Variants in ZNF23 observed in about 807,000 individuals in gnomAD.
ZNF23 encodes the protein zinc finger protein 23, also known as kruppel-like zinc finger factor X31.
A neutral mutation model predicts 56.2 loss-of-function variants in ZNF23; 48 were observed. The observed-to-expected ratio is 0.85, with a 90% CI of 0.68 to 1.09. The LOEUF (loss-of-function observed/expected upper bound fraction) is 1.09, where lower values mean the gene tolerates loss of function less well. Among genes scored for constraint, ZNF23 ranks in the 50% least tolerant of loss-of-function variants. The pLI is 0.00. For synonymous variants in ZNF23, 266 were observed against 283.3 expected (o/e 0.94, Z 0.61); for missense variants, 805 against 811.4 (o/e 0.99, Z 0.10).
Position 71,448,645 on chromosome 16 carries a change from A to G in ZNF23, c.1509T>C (p.Asn503=). ...CNECGKAFSV[N]GKLMRHQRIH... ...TTCTCTGATGCCGCATTAGTTTCCC[A>G]TTAACGCTGAAGGCCTTTCCACACT... Residue 503 remains asparagine (N), a synonymous_variant, in exon 5 of 5, where the codon AAT becomes AAC. Coordinates refer to ENST00000647773, the MANE Select transcript of ZNF23 (RefSeq NM_001381984.1). 1.2e-6 allele frequency: 2 copies of G among 1,614,036 alleles called. No homozygotes were observed. The highest frequency in any genetic ancestry group is 1.7e-6 in the Non-Finnish European group (2 of 1,180,016).
At position 71,448,654 on chromosome 16, in the gene ZNF23, G is replaced by A. The variant is rs148044968; in HGVS notation, c.1500C>T (p.Phe500=). 5.6e-6 allele frequency: 9 copies of A among 1,614,042 alleles called. No individual in the cohort carries two copies. Among genetic ancestry groups the A allele is most frequent in the African/African-American group, 5.3e-5 (4 of 74,922 alleles). ...PYECNECGKA[F]SVNGKLMRHQ... ...GCCGCATTAGTTTCCCATTAACGCT[G>A]AAGGCCTTTCCACACTCATTACACT... is the stretch of plus-strand genomic sequence containing the variant. The change falls in exon 5 of 5, where the codon TTC becomes TTT. Residue 500 remains phenylalanine, a synonymous_variant. Transcript: ENST00000647773.
In ZNF23 at chr16:71,447,722, A is replaced by G. The variant is rs1398485157; in HGVS notation, c.*371T>C. The G allele has an allele frequency of 6.1e-6, 1 of 162,610 alleles. No individual in the cohort carries two copies. Among genetic ancestry groups the G allele is most frequent in the Non-Finnish European group, 1.3e-5 (1 of 75,464 alleles). The allele number at this position is 162,610 out of a possible 1,614,324, so 10.1% of individuals were successfully genotyped here. A position where few individuals can be genotyped will look rare whatever the true frequency, so the allele number is the denominator to read the frequency against. On this transcript the variant is annotated 3_prime_UTR_variant, in exon 5 of 5. Coordinates refer to ENST00000647773, the MANE Select transcript of ZNF23 (RefSeq NM_001381984.1). ...TTTAGTACGGGTTTTCCTATCCAAC[A>G]ACAAGGCTTCTCTCTCTCTCCATTT...
At chr16:71,452,440 G>C (rs760838913) in intron 4 of ZNF23, 3 of 152,228 alleles carry the variant, frequency 2.0e-5, no homozygotes, top group Non-Finnish European at 4.4e-5. Context: ...GCACCAATTG[G>C]AGCCCTGCTC....
chr16:71,458,244 C>A (rs1369205006), intron 1 of ZNF23, among the ~76,000 whole-genome samples: 1 of 152,188 alleles, frequency 6.6e-6, no homozygotes, highest in Non-Finnish European at 1.5e-5. Flanking sequence ...TCACTGTATT[C>A]AAAAACATAT....
rs370874791 is a variant in ZNF23, at chr16:71,454,088, C to G, written c.114G>C (p.Leu38=). 184 of 1,614,124 alleles carry G rather than the reference C, an allele frequency of 1.1e-4. No homozygotes were observed. The highest frequency in any genetic ancestry group is 1.4e-4 in the Non-Finnish European group (171 of 1,180,006). Reference sequence around the variant, plus strand: ...AATTCTCCAGCATCACATCCCTGTACAGGGTCCTCTGTGCAGGGGACAGGC... The same window carrying G: ...AATTCTCCAGCATCACATCCCTGTAGAGGGTCCTCTGTGCAGGGGACAGGC... ...WDGLSPAQRT[L]YRDVMLENYG... Residue 38 remains leucine, a synonymous_variant, in exon 3 of 5, where the codon CTG becomes CTC. Transcript: ENST00000647773.
chr16:71,450,590 G>A (rs1450045746), intron 4 of ZNF23: 5 of 366,828 alleles, frequency 1.4e-5, no homozygotes, highest in South Asian at 7.6e-5. Flanking sequence ...GTGGTGGTAC[G>A]TGCCTGTAGT....
Position 71,448,684 on chromosome 16 carries a change from G to C in ZNF23, c.1470C>G (p.Pro490=). Residue 490 remains proline (P), a synonymous_variant, in exon 5 of 5, where the codon CCC becomes CCG. Transcript: ENST00000647773. The part of the protein sequence containing the change: ...QHLRIHTGEK[P]YECNECGKAF... Reference sequence around the variant, plus strand: ...CCTTTCCACACTCATTACACTCATAGGGCTTCTCCCCAGTGTGAATTCTCA... The same window carrying C: ...CCTTTCCACACTCATTACACTCATACGGCTTCTCCCCAGTGTGAATTCTCA... 1 of 1,614,144 alleles carries C rather than the reference G, an allele frequency of 6.2e-7. No homozygotes were observed. The highest frequency in any genetic ancestry group is 8.5e-7 in the Non-Finnish European group (1 of 1,180,034).
Sources: allele counts gnomAD v4.1 joint callset (sites outside exome capture counted in the v4.1 genomes callset), GRCh38; gene constraint gnomAD v4.1.1; transcripts MANE v1.5; gene names NCBI Gene and HGNC (gene_info 2026-07-23, HGNC 2026-07-21).